The following SLC4A10 variants were observed in gnomAD, a reference collection of about 807,000 sequenced individuals.
SLC4A10 encodes sodium-driven chloride bicarbonate exchanger.
SLC4A10 carries 42 observed loss-of-function variants against 137.7 expected under a neutral mutation model. That is an observed-to-expected ratio of 0.30 (90% confidence interval 0.24 to 0.39). The LOEUF (loss-of-function observed/expected upper bound fraction) is 0.39. SLC4A10 is among the 10% of genes least tolerant of loss of function. SLC4A10 has a pLI of 1.00. For missense variants in SLC4A10, 925 were observed against 1,355.0 expected (o/e 0.68, Z 4.98); for synonymous variants, 474 against 464.1 (o/e 1.02, Z -0.27).
At chr2:161,787,115 T>A (rs1031118921) in intron 2 of SLC4A10, among the ~76,000 whole-genome samples, 1 of 152,088 alleles carries the variant, frequency 6.6e-6, no homozygotes, top group Non-Finnish European at 1.5e-5. Flanking sequence ...ACCAGTCTCA[T>A]GGTGATGAAT....
At position 161,900,946 on chromosome 2, in the gene SLC4A10, A is replaced by T; in HGVS notation, c.1377A>T (p.Thr459=). 1 of 1,566,458 alleles carries T rather than the reference A, an allele frequency of 6.4e-7. No individual in the cohort carries two copies. The highest frequency in any genetic ancestry group is 8.7e-7 in the Non-Finnish European group (1 of 1,154,938). ...KRKIPAVPNG[T]AAHGEAEPHG... ...AGATTCCTGCTGTACCAAATGGAAC[A>T]GCAGCTCATGGGGAAGCAGAGCCCC... The change falls in exon 12 of 27, where the codon ACA becomes ACT. Residue 459 remains threonine, a synonymous_variant. Transcript: ENST00000446997.
At chr2:161,869,706 A>G (rs1426295927) in intron 6 of SLC4A10, among the ~76,000 whole-genome samples, 1 of 151,670 alleles carries the variant, frequency 6.6e-6, no homozygotes, top group African/African-American at 2.4e-5. Context: ...ATTAACTTAC[A>G]TTTTTAGAAA....
intron 16 of SLC4A10, among the ~76,000 whole-genome samples, chr2:161,945,200 A>G (rs1262750343): frequency 0.029 from 1,619 of 56,102 alleles, 97 homozygotes; most frequent in African/African-American, 0.074. Context: ...ATATATATAT[A>G]TATATATATA....
chr2:161,883,670 G>A (rs1330126594), intron 10 of SLC4A10, among the ~76,000 whole-genome samples: 3 of 152,136 alleles, frequency 2.0e-5, no homozygotes, highest in Non-Finnish European at 2.9e-5. Flanking sequence ...GAAGTCTCTA[G>A]GGGAGGATCC....
At chr2:161,937,859 G>A (rs74935201) in intron 15 of SLC4A10, among the ~76,000 whole-genome samples, 7,961 of 152,084 alleles carry the variant, frequency 0.052, 322 homozygotes, top group African/African-American at 0.12. Flanking sequence ...GAAGGTTACC[G>A]TACCTTAAGG....
At chr2:161,929,078 G>T (rs981675487) in intron 15 of SLC4A10, among the ~76,000 whole-genome samples, 1 of 151,758 alleles carries the variant, frequency 6.6e-6, no homozygotes. Flanking sequence ...TATAGTACTG[G>T]CCCTTTTATT....
intron 1 of SLC4A10, among the ~76,000 whole-genome samples, 190 bp downstream of exon 1, chr2:161,624,756 C>T (rs1002366489): frequency 6.6e-6 from 1 of 151,934 alleles, no homozygotes; most frequent in Non-Finnish European, 1.5e-5. Flanking sequence ...TTCTCCTCCC[C>T]CCCCCTTCTC....
intron 1 of SLC4A10, among the ~76,000 whole-genome samples, chr2:161,652,123 A>G (rs2036885716): frequency 6.6e-6 from 1 of 152,230 alleles, no homozygotes; most frequent in South Asian, 2.1e-4. Flanking sequence ...CATTAAGTCC[A>G]GCCCATACTC....
chr2:161,814,951 C>T (rs1295653439), intron 3 of SLC4A10, among the ~76,000 whole-genome samples: 2 of 151,830 alleles, frequency 1.3e-5, no homozygotes, highest in African/African-American at 4.8e-5. Context: ...TTAAAACTTA[C>T]CAAACGTAAA....
At chr2:161,678,211 T>C (rs866163337) in intron 1 of SLC4A10, among the ~76,000 whole-genome samples, 16 of 152,152 alleles carry the variant, frequency 1.1e-4, no homozygotes, top group Admixed American at 3.3e-4. Flanking sequence ...ATCTGGGAAG[T>C]TGGGAGGTGA....
At chr2:161,732,855 C>T (rs764463130) in intron 1 of SLC4A10, among the ~76,000 whole-genome samples, 1 of 152,210 alleles carries the variant, frequency 6.6e-6, no homozygotes, top group Non-Finnish European at 1.5e-5. Context: ...AGAACTGGAG[C>T]AAAGGTGACT....
At chr2:161,787,039 T>G (rs1020515259) in intron 2 of SLC4A10, among the ~76,000 whole-genome samples, 20 of 151,982 alleles carry the variant, frequency 1.3e-4, no homozygotes, top group Admixed American at 3.3e-4. Flanking sequence ...AGAGTATACT[T>G]TTTTATGACA....
intron 15 of SLC4A10, among the ~76,000 whole-genome samples, chr2:161,913,182 G>A (rs1480139003): frequency 3.3e-5 from 5 of 152,118 alleles, no homozygotes; most frequent in Non-Finnish European, 5.9e-5. Flanking sequence ...AGACACACTG[G>A]AGTATAATTT....
chr2:161,900,658 C>T (rs762024288), intron 11 of SLC4A10, among the ~76,000 whole-genome samples: 4 of 151,960 alleles, frequency 2.6e-5, no homozygotes, highest in Admixed American at 6.6e-5. Flanking sequence ...TAAATAAGTG[C>T]CCATCACCTC....
At chr2:161,694,525 T>C (rs917599002) in intron 1 of SLC4A10, among the ~76,000 whole-genome samples, 1 of 151,458 alleles carries the variant, frequency 6.6e-6, no homozygotes, top group African/African-American at 2.4e-5. Flanking sequence ...CTGTACATAT[T>C]TAAAGAGAGG....
At chr2:161,839,968 T>C in intron 4 of SLC4A10, 41 bp downstream of exon 4, 1 of 1,604,900 alleles carries the variant, frequency 6.2e-7, no homozygotes, top group Non-Finnish European at 8.5e-7. Context: ...ACTAAAGAAT[T>C]TTCATGTTAC....
At chr2:161,876,612 A>G (rs1004287341) in intron 8 of SLC4A10, among the ~76,000 whole-genome samples, 8 of 152,108 alleles carry the variant, frequency 5.3e-5, no homozygotes, top group Non-Finnish European at 8.8e-5. Flanking sequence ...TGAGCCAGGA[A>G]GTTCGAGGCT....
chr2:161,703,218 A>G (rs2043303623), intron 1 of SLC4A10, among the ~76,000 whole-genome samples: 1 of 151,788 alleles, frequency 6.6e-6, no homozygotes, highest in African/African-American at 2.4e-5. Flanking sequence ...GGCTGTGTGC[A>G]CAAAGATGTT....
intron 12 of SLC4A10, chr2:161,902,037 A>G (rs748624892): frequency 1.5e-5 from 7 of 456,180 alleles, no homozygotes; most frequent in Non-Finnish European, 2.6e-5. Flanking sequence ...GGTCACCAAT[A>G]TCCGGTATCT....
Sources: gnomAD v4.1 joint callset for allele counts (sites outside exome capture counted in the v4.1 genomes callset) on GRCh38, gnomAD v4.1.1 for gene constraint, MANE v1.5 for transcripts, NCBI Gene and HGNC (gene_info 2026-07-23, HGNC 2026-07-21) for gene names.